Variants in PRICKLE1 observed in about 807,000 individuals in gnomAD.
PRICKLE1 encodes the protein prickle-like protein 1.
PRICKLE1 carries 14 observed loss-of-function variants against 70.2 expected under a neutral mutation model. That is an observed-to-expected ratio of 0.20 (90% CI 0.13 to 0.31). The LOEUF (loss-of-function observed/expected upper bound fraction) is 0.31. Ranked by LOEUF, PRICKLE1 falls within the 10% of genes least tolerant of loss-of-function variation. The probability of loss-of-function intolerance (pLI) is 1.00; values close to 1 mark genes in which losing one functional copy is unlikely to be tolerated. For missense variants in PRICKLE1, 821 were observed against 1,026.2 expected, an observed-to-expected ratio of 0.80 and a Z score of 2.73; for synonymous variants, 357 against 379.9, an observed-to-expected ratio of 0.94 and a Z score of 0.70.
At chr12:42,497,602 C>T (rs1330582103) in intron 1 of PRICKLE1, among the ~76,000 whole-genome samples, 2 of 150,916 alleles carry the variant, frequency 1.3e-5, no homozygotes, top group African/African-American at 4.9e-5. Flanking sequence ...GGGCACAGTT[C>T]ATGGTGCCCC....
chr12:42,504,203 G>T (rs1051645212), intron 1 of PRICKLE1, among the ~76,000 whole-genome samples: 2 of 152,134 alleles, frequency 1.3e-5, no homozygotes, highest in Non-Finnish European at 2.9e-5. Context: ...GCAGATTTCT[G>T]AAAATAGAGG....
intron 1 of PRICKLE1, among the ~76,000 whole-genome samples, chr12:42,506,735 G>A (rs558651913): frequency 5.3e-5 from 8 of 151,638 alleles, no homozygotes; most frequent in Non-Finnish European, 1.2e-4. Context: ...ACCATGCCCG[G>A]CTAATTTTTG....
intron 1 of PRICKLE1, among the ~76,000 whole-genome samples, chr12:42,517,026 A>T (rs1320344685): frequency 6.6e-6 from 1 of 152,164 alleles, no homozygotes; most frequent in Non-Finnish European, 1.5e-5. Flanking sequence ...TCCACCCTTG[A>T]CAAAGGATAA....
Position 42,460,248 on chromosome 12 carries a change from G to C in PRICKLE1, c.2057C>G (p.Ala686Gly). The C allele has an allele frequency of 6.2e-7, 1 of 1,614,174 alleles. No individual in the cohort carries two copies. The highest frequency in any genetic ancestry group is 2.2e-5 in the East Asian group (1 of 44,890). ...RRSRKSRSDN[A>G]LNLVTERKYS... ...TTTTCTTTCTGTAACAAGATTCAGG[G>C]CATTGTCGGAGCGGGACTTTCTACT... Residue 686 changes from alanine (A) to glycine (G), a missense_variant, in exon 8 of 8, where the codon GCC becomes GGC. Coordinates refer to ENST00000345127, the MANE Select transcript of PRICKLE1 (RefSeq NM_153026.3).
chr12:42,521,958 G>GTGTGTA (rs1446580507), intron 1 of PRICKLE1, among the ~76,000 whole-genome samples: 1 of 73,100 alleles, frequency 1.4e-5, no homozygotes, highest in African/African-American at 4.0e-5. Flanking sequence ...GTGTGTGTGT[G>GTGTGTA]TGTGTGTGTG....
intron 1 of PRICKLE1, among the ~76,000 whole-genome samples, chr12:42,574,585 G>A (rs1389510105): frequency 6.6e-6 from 1 of 152,126 alleles, no homozygotes; most frequent in Non-Finnish European, 1.5e-5. Flanking sequence ...ACAACTAGAT[G>A]GCAGAAATTC....
At chr12:42,571,078 C>T (rs1392898231) in intron 1 of PRICKLE1, among the ~76,000 whole-genome samples, 6 of 152,028 alleles carry the variant, frequency 3.9e-5, no homozygotes, top group South Asian at 4.1e-4. Flanking sequence ...ACATACAAAA[C>T]GTTTAGTTTT....
chr12:42,493,426 T>G (rs1289140817), intron 1 of PRICKLE1, among the ~76,000 whole-genome samples: 1 of 152,154 alleles, frequency 6.6e-6, no homozygotes, highest in Admixed American at 6.5e-5. Flanking sequence ...TAAGATCTGA[T>G]AGGGTAATGG....
At chr12:42,557,303 G>A (rs945577514) in intron 1 of PRICKLE1, among the ~76,000 whole-genome samples, 3 of 152,152 alleles carry the variant, frequency 2.0e-5, no homozygotes, top group African/African-American at 4.8e-5. Context: ...GTGCCTGGAC[G>A]GAGAAGCAAC....
At chr12:42,466,456 T>A in intron 5 of PRICKLE1, 76 bp from the exon 6 acceptor site, 6 of 1,342,042 alleles carry the variant, frequency 4.5e-6, no homozygotes, top group Middle Eastern at 1.8e-4. Flanking sequence ...TAACTGCATG[T>A]TTTCCGGGCA....
At chr12:42,538,945 G>C (rs1301916769) in intron 1 of PRICKLE1, among the ~76,000 whole-genome samples, 1 of 152,126 alleles carries the variant, frequency 6.6e-6, no homozygotes, top group African/African-American at 2.4e-5. Context: ...GAGAGTGGTA[G>C]CTATGCTAGC....
chr12:42,557,796 C>T (rs1940436770), intron 1 of PRICKLE1, among the ~76,000 whole-genome samples: 1 of 152,138 alleles, frequency 6.6e-6, no homozygotes. Flanking sequence ...GAGTTTTTCT[C>T]TCTCTCTGTG....
chr12:42,505,833 C>A (rs904095842), intron 1 of PRICKLE1, among the ~76,000 whole-genome samples: 28 of 152,148 alleles, frequency 1.8e-4, no homozygotes, highest in African/African-American at 6.3e-4. Flanking sequence ...ACACAGAAGC[C>A]TCAATCATAT....
chr12:42,475,571 G>A (rs1029180988), intron 1 of PRICKLE1, among the ~76,000 whole-genome samples: 3 of 152,088 alleles, frequency 2.0e-5, no homozygotes, highest in African/African-American at 7.2e-5. Context: ...AGCTACCTGC[G>A]CTGCAGACAC....
chr12:42,564,359 C>A (rs1940585991), intron 1 of PRICKLE1, among the ~76,000 whole-genome samples: 1 of 151,926 alleles, frequency 6.6e-6, no homozygotes, highest in Non-Finnish European at 1.5e-5. Context: ...GTAATACCAG[C>A]ACTTTGGGAG....
At chr12:42,575,304 G>C (rs1249587284) in intron 1 of PRICKLE1, among the ~76,000 whole-genome samples, 1 of 152,110 alleles carries the variant, frequency 6.6e-6, no homozygotes, top group Non-Finnish European at 1.5e-5. Flanking sequence ...TACAATAAAA[G>C]TTGTCATAAT....
chr12:42,501,247 G>A (rs1796342), intron 1 of PRICKLE1, among the ~76,000 whole-genome samples: 26,395 of 152,012 alleles, frequency 0.17, 3,044 homozygotes, highest in African/African-American at 0.31. Context: ...GCTCATGCTT[G>A]TAATCACAGC....
chr12:42,460,402 C>A lies in PRICKLE1; in HGVS notation c.1903G>T (p.Asp635Tyr). The change falls in exon 8 of 8, where the codon GAT becomes TAT. Residue 635 changes from aspartate to tyrosine, a missense_variant. By Grantham distance (160) the Asp-to-Tyr change is radical. Transcript: ENST00000345127. ...QSRPQQVKFS[D>Y]DVIDNGNYDI... ...TAGTTCCCATTGTCAATGACATCAT[C>A]AGAAAACTTGACCTGCTGGGGTCTG... The A allele has an allele frequency of 6.2e-7, 1 of 1,614,100 alleles. No individual in the cohort carries two copies. Among genetic ancestry groups the A allele is most frequent in the South Asian group, 1.1e-5 (1 of 91,074 alleles).
chr12:42,470,095 T>G, intron 3 of PRICKLE1, 151 bp downstream of exon 3: 1 of 651,658 alleles, frequency 1.5e-6, no homozygotes, highest in African/African-American at 1.8e-5. Context: ...TCTCAAAGAA[T>G]GGAAAGCTGT....
Sources: allele counts gnomAD v4.1 joint callset (sites outside exome capture counted in the v4.1 genomes callset), GRCh38; gene constraint gnomAD v4.1.1; transcripts MANE v1.5; gene names NCBI Gene and HGNC (gene_info 2026-07-23, HGNC 2026-07-21).